The following CASK variants were observed in gnomAD, a reference collection of about 807,000 sequenced individuals.
CASK encodes the protein peripheral plasma membrane protein CASK.
In CASK, 4 loss-of-function variants were observed where a neutral mutation model predicts 82.9. That is an observed-to-expected ratio of 0.05 (90% CI 0.02 to 0.11). CASK has a LOEUF of 0.11. Ranked by LOEUF, CASK falls within the 10% of genes least tolerant of loss-of-function variation. CASK has a pLI of 1.00. For synonymous variants in CASK, 259 were observed against 253.5 expected (o/e 1.02, Z -0.20); for missense variants, 358 against 720.9 (o/e 0.50, Z 5.76).
At chrX:41,680,377 G>T (rs1376920359) in intron 5 of CASK, among the ~76,000 whole-genome samples, 1 of 108,178 alleles carries the variant, frequency 9.2e-6, no homozygotes, top group Non-Finnish European at 1.9e-5. Flanking sequence ...AGCTACTCAG[G>T]AGGCTGAGGC....
intron 15 of CASK, among the ~76,000 whole-genome samples, 199 bp downstream of exon 15, chrX:41,578,141 G>A (rs1294176504): frequency 2.7e-5 from 3 of 111,104 alleles, no homozygotes; most frequent in African/African-American, 6.5e-5. Context: ...AAAGAGAACC[G>A]GAATGCCTAA....
intron 2 of CASK, among the ~76,000 whole-genome samples, chrX:41,840,915 G>C (rs970667362): frequency 1.8e-5 from 2 of 112,172 alleles, no homozygotes; most frequent in Non-Finnish European, 3.8e-5. Context: ...TCTATTGTAT[G>C]TAATATTCGT....
intron 5 of CASK, chrX:41,729,733 G>A (rs1292146290): frequency 1.5e-5 from 1 of 65,209 alleles, no homozygotes; most frequent in South Asian, 1.6e-3. Flanking sequence ...CTGGGCGACA[G>A]AGTGAGACTC....
intron 2 of CASK, among the ~76,000 whole-genome samples, chrX:41,837,565 T>A (rs922874587): frequency 8.9e-6 from 1 of 112,209 alleles, no homozygotes; most frequent in African/African-American, 3.2e-5. Context: ...TTTTATCACT[T>A]TGAAACTTAT....
chrX:41,539,520 T>C (rs762798234), intron 22 of CASK, among the ~76,000 whole-genome samples: 2 of 112,090 alleles, frequency 1.8e-5, no homozygotes, highest in Non-Finnish European at 3.8e-5. Flanking sequence ...TTTTGAGATA[T>C]TGTTTGATCT....
chrX:41,625,165 T>A (rs967553964), intron 10 of CASK, among the ~76,000 whole-genome samples: 3 of 110,398 alleles, frequency 2.7e-5, no homozygotes, highest in Non-Finnish European at 3.8e-5. Context: ...TTTGGTTTTT[T>A]ATTTTTTTAT....
chrX:41,757,019 A>G (rs982939320), intron 3 of CASK, among the ~76,000 whole-genome samples: 1 of 112,133 alleles, frequency 8.9e-6, no homozygotes, highest in African/African-American at 3.2e-5. Context: ...TTTCATGCCT[A>G]TTATGGGGGC....
chrX:41,913,084 T>C (rs1023986833), intron 1 of CASK, among the ~76,000 whole-genome samples: 2 of 110,340 alleles, frequency 1.8e-5, no homozygotes, highest in Admixed American at 9.8e-5. Context: ...ATTTCTCAGT[T>C]AATGTACTCA....
intron 8 of CASK, among the ~76,000 whole-genome samples, chrX:41,653,912 C>T (rs2066898614): frequency 8.9e-6 from 1 of 111,988 alleles, no homozygotes. Flanking sequence ...GGGAGTTATT[C>T]CTGAGGGAAC....
At chrX:41,598,134 G>GAC (rs757204318) in intron 12 of CASK, among the ~76,000 whole-genome samples, 1,682 of 99,833 alleles carry the variant, frequency 0.017, 11 homozygotes, top group South Asian at 0.025. Context: ...CTGAGGCCCT[G>GAC]ACACACACAC....
chrX:41,765,128 T>C (rs2069086112), intron 3 of CASK, among the ~76,000 whole-genome samples: 2 of 112,233 alleles, frequency 1.8e-5, no homozygotes, highest in African/African-American at 3.2e-5. Context: ...CAAATTTTCT[T>C]AGACCTAGTG....
At position 41,531,137 on chromosome X, in the gene CASK, A is replaced by G. The variant is rs771473384; in HGVS notation, c.2390T>C (p.Met797Thr). ...NYYFVSHDQM[M>T]QDISNNEYLE... ...GTACTCGTTATTAGAGATGTCTTGCATCATTTGGTCATGAGATACAAAGTA... is the reference window on the plus strand; with the variant it reads ...GTACTCGTTATTAGAGATGTCTTGCGTCATTTGGTCATGAGATACAAAGTA... The change falls in exon 25 of 27, where the codon ATG becomes ACG. Residue 797 changes from methionine to threonine, a missense_variant. By Grantham distance (81) the Met-to-Thr change is moderately conservative. Around this residue, in one of 5 missense-constraint regions of CASK, gnomAD observed 118 missense variants for 169.4 expected, o/e 0.70. Transcript: ENST00000378163. The G allele has an allele frequency of 8.3e-7, 1 of 1,207,940 alleles. No homozygotes were observed. The highest frequency in any genetic ancestry group is 1.1e-6 in the Non-Finnish European group (1 of 893,160).
chrX:41,869,199 G>C (rs889941736), intron 1 of CASK, among the ~76,000 whole-genome samples: 1 of 111,529 alleles, frequency 9.0e-6, no homozygotes, highest in Admixed American at 9.5e-5. Flanking sequence ...AGGACTCATA[G>C]GGCCTCATAG....
Position 41,515,289 on chromosome X carries a change from C to T in CASK, c.*5131G>A, listed in dbSNP as rs1191012669. On this transcript the variant is annotated 3_prime_UTR_variant, in exon 27 of 27. Coordinates refer to ENST00000378163, the MANE Select transcript of CASK (RefSeq NM_001367721.1). ...TTCAGCTCCTGGGTGTTGAGGGACACCTCCTGCACAAACGCTCTTGCAAGC... is the reference window on the plus strand; with the variant it reads ...TTCAGCTCCTGGGTGTTGAGGGACATCTCCTGCACAAACGCTCTTGCAAGC... 8.9e-6 allele frequency: 1 copy of T among 112,381 alleles called. No homozygotes were observed. The highest frequency in any genetic ancestry group is 1.9e-5 in the Non-Finnish European group (1 of 53,274). The allele number at this position is 112,381 out of a possible 1,213,427, so 9.3% of individuals were successfully genotyped here. A position where few individuals can be genotyped will look rare whatever the true frequency, so the allele number is the denominator to read the frequency against.
intron 1 of CASK, among the ~76,000 whole-genome samples, chrX:41,883,807 A>G (rs2071995232): frequency 9.0e-6 from 1 of 111,616 alleles, no homozygotes; most frequent in South Asian, 3.8e-4. Context: ...AGGGCCATGG[A>G]GAAGAATGGA....
intron 25 of CASK, among the ~76,000 whole-genome samples, chrX:41,526,909 G>A (rs904811336): frequency 8.1e-5 from 9 of 110,814 alleles, no homozygotes; most frequent in Non-Finnish European, 1.1e-4. Context: ...ACATTTCCTC[G>A]CTTGTTCTTG....
At chrX:41,581,203 AC>A (rs759490260) in intron 14 of CASK, among the ~76,000 whole-genome samples, 15 of 110,065 alleles carry the variant, frequency 1.4e-4, no homozygotes, top group Admixed American at 1.9e-4. Context: ...ACAAAGTGAG[AC>A]CCCCGTCTCT....
chrX:41,600,856 A>G (rs764466398), intron 12 of CASK, among the ~76,000 whole-genome samples: 6 of 112,008 alleles, frequency 5.4e-5, no homozygotes, highest in Non-Finnish European at 9.4e-5. Context: ...CAAAACATCA[A>G]TATTGGATGA....
At chrX:41,649,872 T>A (rs1381546868) in intron 8 of CASK, among the ~76,000 whole-genome samples, 4 of 111,207 alleles carry the variant, frequency 3.6e-5, no homozygotes, top group African/African-American at 9.8e-5. Context: ...CCCATTATTA[T>A]TGTGTGGGAG....
Sources: gnomAD v4.1 joint callset for allele counts (sites outside exome capture counted in the v4.1 genomes callset) on GRCh38, gnomAD v4.1.1 for gene constraint, gnomAD v4.1.1 regional missense constraint, MANE v1.5 for transcripts, NCBI Gene and HGNC (gene_info 2026-07-23, HGNC 2026-07-21) for gene names.